The following PLEKHM3 variants were observed in gnomAD, a reference collection of about 807,000 sequenced individuals.
PLEKHM3 encodes pleckstrin homology domain-containing family M member 3.
Under a neutral mutation model 81.8 loss-of-function variants are expected in PLEKHM3, and 45 were observed. The ratio of observed to expected loss-of-function variants is 0.55; its 90% confidence interval spans 0.43 to 0.71. The LOEUF (loss-of-function observed/expected upper bound fraction) is 0.71, where lower values mean the gene tolerates loss of function less well. Ranked by LOEUF, PLEKHM3 falls within the 30% of genes least tolerant of loss-of-function variation. The pLI is 0.00. For missense variants in PLEKHM3, 788 were observed against 924.3 expected (o/e 0.85, Z 1.91); for synonymous variants, 352 against 356.4 (o/e 0.99, Z 0.14).
At chr2:207,938,524 G>A (rs1689835705) in intron 4 of PLEKHM3, among the ~76,000 whole-genome samples, 2 of 152,156 alleles carry the variant, frequency 1.3e-5, no homozygotes, top group African/African-American at 2.4e-5. Context: ...GTCTGGTCTT[G>A]GAAACTGATA....
In PLEKHM3 at chr2:207,908,574, A is replaced by G. The variant is rs1467205937; in HGVS notation, c.1890T>C (p.Ile630=). ...AAVAEDLRRR[I]FPREYLLQQI... ...GTTGAAGGAGGTATTCTCTGGGGAA[A>G]ATTCTGAAAACAAGGGCAGATAGAC... Residue 630 remains isoleucine (I), a synonymous_variant, in exon 6 of 8, where the codon ATT becomes ATC. Coordinates refer to ENST00000427836, the MANE Select transcript of PLEKHM3 (RefSeq NM_001080475.3). The G allele has an allele frequency of 2.5e-6, 4 of 1,610,952 alleles. No homozygotes were observed. The highest frequency in any genetic ancestry group is 1.7e-5 in the Admixed American group (1 of 59,322).
intron 7 of PLEKHM3, among the ~76,000 whole-genome samples, chr2:207,835,565 T>C (rs897115653): frequency 9.9e-5 from 15 of 152,200 alleles, no homozygotes; most frequent in Non-Finnish European, 1.5e-5. Context: ...AGTAGGAACG[T>C]AGTTTTGGTA....
intron 3 of PLEKHM3, among the ~76,000 whole-genome samples, chr2:207,967,824 C>T (rs6711259): frequency 6.6e-6 from 1 of 151,792 alleles, no homozygotes; most frequent in Non-Finnish European, 1.5e-5. Flanking sequence ...TACATCTGAT[C>T]AAACAGTGGA....
At chr2:207,903,912 C>A (rs1688522730) in intron 6 of PLEKHM3, among the ~76,000 whole-genome samples, 1 of 152,208 alleles carries the variant, frequency 6.6e-6, no homozygotes, top group African/African-American at 2.4e-5. Flanking sequence ...GCATTCCTGT[C>A]TTAAAGCCTT....
intron 6 of PLEKHM3, among the ~76,000 whole-genome samples, chr2:207,888,973 A>T (rs1406585737): frequency 6.6e-6 from 1 of 152,226 alleles, no homozygotes; most frequent in Admixed American, 6.5e-5. Flanking sequence ...AACTAGTATT[A>T]GCAGTGGCTC....
rs1030356875 is a variant in PLEKHM3, at chr2:207,895,205, C to G, written c.1950+13309G>C. ...TTCTGGCCATCCCTCCCTCTCTCCTCTTGGCTAAGTGCTGTAAAATGAGAG... is the reference window on the plus strand; with the variant it reads ...TTCTGGCCATCCCTCCCTCTCTCCTGTTGGCTAAGTGCTGTAAAATGAGAG... On this transcript the variant is annotated intron_variant, in intron 6 of 7. Coordinates refer to ENST00000427836, the MANE Select transcript of PLEKHM3 (RefSeq NM_001080475.3). Among the ~76,000 whole-genome samples the G allele has an allele frequency of 5.3e-5, 8 of 152,270 alleles. No homozygotes were observed. In the East Asian group the frequency reaches 1.5e-3, roughly 29 times the overall value.
At chr2:207,841,435 C>T (rs368652746) in intron 7 of PLEKHM3, among the ~76,000 whole-genome samples, 5 of 118,390 alleles carry the variant, frequency 4.2e-5, no homozygotes, top group East Asian at 2.5e-4. Flanking sequence ...GGTGACACAG[C>T]GAGACTCCAT....
At chr2:207,951,420 CA>C (rs1690324362) in intron 3 of PLEKHM3, among the ~76,000 whole-genome samples, 1 of 152,214 alleles carries the variant, frequency 6.6e-6, no homozygotes, top group Non-Finnish European at 1.5e-5. Context: ...GAACACTCCA[CA>C]TGTTGGATCA....
intron 3 of PLEKHM3, among the ~76,000 whole-genome samples, chr2:207,951,775 T>G (rs973526945): frequency 1.3e-5 from 2 of 152,220 alleles, no homozygotes; most frequent in Non-Finnish European, 2.9e-5. Flanking sequence ...TTCTAACAAG[T>G]GTACCTAGTT....
chr2:207,978,213 A>T (rs944863552), intron 2 of PLEKHM3, among the ~76,000 whole-genome samples: 1 of 152,182 alleles, frequency 6.6e-6, no homozygotes, highest in African/African-American at 2.4e-5. Flanking sequence ...GTCTGTGTAG[A>T]AAACAGAAAT....
In PLEKHM3 at chr2:208,015,984, A is replaced by C. The variant is rs182923454; in HGVS notation, c.-319+9405T>G. On this transcript the variant is annotated intron_variant, in intron 1 of 7. Transcript: ENST00000427836. ...CGAGGCAGGTGGATCACCTGAGGTG[A>C]GGAGTTCGAGACCAGCCTGGCCAAA... Among the ~76,000 whole-genome samples the C allele has an allele frequency of 4.6e-3, 695 of 152,216 alleles. 1 individual carries two copies. The highest frequency in any genetic ancestry group is 6.7e-3 in the Non-Finnish European group (458 of 68,006).
At chr2:207,897,593 T>G (rs1460000667) in intron 6 of PLEKHM3, among the ~76,000 whole-genome samples, 2 of 152,114 alleles carry the variant, frequency 1.3e-5, no homozygotes, top group Admixed American at 6.5e-5. Context: ...GAGTCGGCAT[T>G]TGAACATAGA....
At chr2:207,859,954 G>A (rs2092458115) in intron 7 of PLEKHM3, among the ~76,000 whole-genome samples, 1 of 152,138 alleles carries the variant, frequency 6.6e-6, no homozygotes, top group Non-Finnish European at 1.5e-5. Context: ...TTACTGTTCA[G>A]CAGTGTCTTC....
intron 2 of PLEKHM3, among the ~76,000 whole-genome samples, chr2:208,000,796 T>C (rs561035801): frequency 6.6e-6 from 1 of 152,152 alleles, no homozygotes; most frequent in East Asian, 1.9e-4. Flanking sequence ...TAAATACCTC[T>C]TAGGAAGATA....
chr2:207,980,570 ATTTATT>A (rs1429711162), intron 2 of PLEKHM3, among the ~76,000 whole-genome samples: 3 of 152,040 alleles, frequency 2.0e-5, no homozygotes, highest in African/African-American at 7.2e-5. Context: ...ATGGCCTTTT[ATTTATT>A]TTTATTTTTT....
chr2:207,847,953 C>A (rs757944607), intron 7 of PLEKHM3, among the ~76,000 whole-genome samples: 5 of 152,204 alleles, frequency 3.3e-5, no homozygotes, highest in East Asian at 3.8e-4. Flanking sequence ...GACTGCCAAG[C>A]GCAGCCCACA....
At chr2:207,917,533 G>A (rs1689030703) in intron 5 of PLEKHM3, among the ~76,000 whole-genome samples, 1 of 152,108 alleles carries the variant, frequency 6.6e-6, no homozygotes, top group Non-Finnish European at 1.5e-5. Context: ...AGTCTGTGTA[G>A]ATTGTGCTTT....
At chr2:207,974,506 A>G (rs186307883) in intron 3 of PLEKHM3, among the ~76,000 whole-genome samples, 28 of 152,270 alleles carry the variant, frequency 1.8e-4, no homozygotes, top group African/African-American at 6.5e-4. Context: ...AGCTACTCCA[A>G]TCTCCACATC....
intron 7 of PLEKHM3, among the ~76,000 whole-genome samples, chr2:207,852,214 T>C (rs2092416682): frequency 1.3e-5 from 2 of 152,136 alleles, no homozygotes; most frequent in Non-Finnish European, 2.9e-5. Flanking sequence ...GGAAAAAACA[T>C]GGATTTTGGA....
Sources: gnomAD v4.1 joint callset for allele counts (sites outside exome capture counted in the v4.1 genomes callset) on GRCh38, gnomAD v4.1.1 for gene constraint, MANE v1.5 for transcripts, NCBI Gene and HGNC (gene_info 2026-07-23, HGNC 2026-07-21) for gene names.